HS1BP3: variants seen among roughly 807,000 people sequenced by gnomAD.
HS1BP3 encodes the protein HCLS1-binding protein 3.
HS1BP3 carries 32 observed loss-of-function variants against 33.5 expected under a neutral mutation model. The observed-to-expected ratio is 0.95, with a 90% confidence interval of 0.72 to 1.28. The LOEUF (loss-of-function observed/expected upper bound fraction) is 1.28. Among genes scored for constraint, HS1BP3 ranks in the 50% most tolerant of loss-of-function variants. The pLI, the probability that HS1BP3 is intolerant of heterozygous loss-of-function variation, is 0.00. For synonymous variants in HS1BP3, 187 were observed against 209.2 expected, an observed-to-expected ratio of 0.89 and a Z score of 0.92; for missense variants, 486 against 502.3, an observed-to-expected ratio of 0.97 and a Z score of 0.31.
intron 2 of HS1BP3, among the ~76,000 whole-genome samples, chr2:20,608,372 C>G (rs954163830): frequency 2.6e-5 from 4 of 151,766 alleles, no homozygotes. Context: ...GTTGGGAGTT[C>G]GAGACCAGCC....
intron 4 of HS1BP3, among the ~76,000 whole-genome samples, chr2:20,631,646 C>T (rs922844037): frequency 1.3e-5 from 2 of 151,754 alleles, no homozygotes; most frequent in African/African-American, 4.8e-5. Flanking sequence ...AGCCAGAGCC[C>T]ACTCTCCTGG....
chr2:20,577,271 AG>A (rs931741725), intron 5 of HS1BP3, among the ~76,000 whole-genome samples: 1 of 151,956 alleles, frequency 6.6e-6, no homozygotes, highest in Non-Finnish European at 1.5e-5. Flanking sequence ...AGGGTGGGAA[AG>A]GGGGACCCTC....
At chr2:20,591,963 C>T (rs190586794), downstream of HS1BP3, among the ~76,000 whole-genome samples, 229 of 152,270 alleles carry the variant, frequency 1.5e-3, no homozygotes, top group African/African-American at 4.2e-3. Flanking sequence ...CCTAGGGGGA[C>T]GGTTCAACAT....
intron 5 of HS1BP3, among the ~76,000 whole-genome samples, chr2:20,573,089 C>T (rs1693314130): frequency 6.6e-6 from 1 of 152,184 alleles, no homozygotes; most frequent in Non-Finnish European, 1.5e-5. Context: ...GGTGTCCACC[C>T]AAAAGATATG....
chr2:20,649,635 T>C (rs546743176), intron 1 of HS1BP3, among the ~76,000 whole-genome samples: 1 of 152,256 alleles, frequency 6.6e-6, no homozygotes, highest in African/African-American at 2.4e-5. Flanking sequence ...CAAGCTTGAG[T>C]GCATGTGGCA....
At position 20,599,061 on chromosome 2, in the gene HS1BP3, C is replaced by T. The variant is rs552141623; in HGVS notation, c.179-796G>A. ...GAAACCAGAGACAAGCGCAGGAGCCCACAACCTCAGCACCGCCCCTGGGGG... is the reference window on the plus strand; with the variant it reads ...GAAACCAGAGACAAGCGCAGGAGCCTACAACCTCAGCACCGCCCCTGGGGG... On this transcript the variant is annotated intron_variant, in intron 2 of 3. Transcript: ENST00000415264. 3.2e-4 allele frequency among the ~76,000 whole-genome samples: 49 copies of T among 152,302 alleles called. No homozygotes were observed. The South Asian group carries it at 0.01, about 32-fold the overall frequency.
chr2:20,622,619 T>C (rs139382147), intron 6 of HS1BP3: 58 of 289,506 alleles, frequency 2.0e-4, no homozygotes, highest in African/African-American at 1.2e-3. Context: ...AGAACACAGG[T>C]TGGGAAGTAA....
At chr2:20,607,764 T>G (rs1694229828) in intron 2 of HS1BP3, among the ~76,000 whole-genome samples, 1 of 152,258 alleles carries the variant, frequency 6.6e-6, no homozygotes, top group Non-Finnish European at 1.5e-5. Context: ...AATTTTAGGA[T>G]TAGCTTTTCC....
Position 20,619,099 on chromosome 2 carries a change from A to C in HS1BP3, c.1067T>G (p.Val356Gly). The part of the protein sequence containing the change: ...VPPKAGPAEA[V>G]AGQQKPQEQI... ...CTCCTGCGGCTTCTGCTGCCCAGCCACAGCTTCAGCCGGGCCCGCTTTGGG... is the reference window on the plus strand; with the variant it reads ...CTCCTGCGGCTTCTGCTGCCCAGCCCCAGCTTCAGCCGGGCCCGCTTTGGG... The change falls in exon 7 of 7, where the codon GTG becomes GGG. Residue 356 changes from valine to glycine, a missense_variant. By Grantham distance (109) the Val-to-Gly change is moderately radical. Transcript: ENST00000304031. 6.2e-7 allele frequency: 1 copy of C among 1,614,078 alleles called. No individual in the cohort carries two copies. The highest frequency in any genetic ancestry group is 1.3e-5 in the African/African-American group (1 of 75,024).
intron 5 of HS1BP3, among the ~76,000 whole-genome samples, chr2:20,584,478 C>A (rs757217298): frequency 3.3e-5 from 5 of 152,232 alleles, no homozygotes; most frequent in Non-Finnish European, 5.9e-5. Context: ...ACCACTTCTG[C>A]CCCTGCACCA....
chr2:20,572,828 C>G (rs1416198914), intron 5 of HS1BP3, among the ~76,000 whole-genome samples: 1 of 152,098 alleles, frequency 6.6e-6, no homozygotes, highest in Admixed American at 6.6e-5. Flanking sequence ...CACAGGTGGC[C>G]CCTGCTCCAG....
chr2:20,593,092 C>T (rs906119483), intron 3 of HS1BP3, among the ~76,000 whole-genome samples: 2 of 151,904 alleles, frequency 1.3e-5, no homozygotes, highest in Non-Finnish European at 2.9e-5. Flanking sequence ...TGTCCCCCCA[C>T]TGTCCCCCCA....
Position 20,638,485 on chromosome 2 carries a change from C to T in HS1BP3, c.574G>A (p.Glu192Lys). Residue 192 changes from glutamate to lysine, a missense_variant, in exon 4 of 7, where the codon GAG becomes AAG. Coordinates refer to ENST00000304031, the MANE Select transcript of HS1BP3 (RefSeq NM_022460.4). The part of the protein sequence containing the change: ...PVQSLKGEDA[E>K]ESLEEEEALD... ...GCCTCCTCCTCCTCCAAGGATTCCT[C>T]AGCATCCTCGCCCTTCAGGCTCTGG... 1 of 1,614,274 alleles carries T rather than the reference C, an allele frequency of 6.2e-7. No homozygotes were observed. Among genetic ancestry groups the T allele is most frequent in the Non-Finnish European group, 8.5e-7 (1 of 1,180,046 alleles).
chr2:20,562,150 G>A (rs1050534514), intron 5 of HS1BP3, among the ~76,000 whole-genome samples: 7 of 152,096 alleles, frequency 4.6e-5, no homozygotes, highest in Admixed American at 4.6e-4. Context: ...TTTCAACTCC[G>A]ACTGTTCATT....
At chr2:20,642,228 G>T (rs1205431148) in intron 2 of HS1BP3, among the ~76,000 whole-genome samples, 1 of 152,222 alleles carries the variant, frequency 6.6e-6, no homozygotes, top group African/African-American at 2.4e-5. Context: ...GGCGTGCAGG[G>T]GCTGCGGGCA....
intron 5 of HS1BP3, among the ~76,000 whole-genome samples, chr2:20,568,330 G>A (rs191118714): frequency 3.3e-5 from 5 of 152,254 alleles, no homozygotes; most frequent in Non-Finnish European, 5.9e-5. Context: ...AGCAGCAAGT[G>A]CAGAAACCCC....
At chr2:20,596,153 G>T (rs374312729) in intron 3 of HS1BP3, among the ~76,000 whole-genome samples, 1 of 152,060 alleles carries the variant, frequency 6.6e-6, no homozygotes, top group Non-Finnish European at 1.5e-5. Context: ...CTCCTTCCCC[G>T]TGACACTGCT....
At chr2:20,599,985 G>A (rs1313539287) in intron 2 of HS1BP3, among the ~76,000 whole-genome samples, 2 of 152,232 alleles carry the variant, frequency 1.3e-5, no homozygotes, top group South Asian at 2.1e-4. Flanking sequence ...TTCCAGATGC[G>A]AGCCCTCAGG....
chr2:20,558,772 A>G (rs993965146), downstream of HS1BP3, among the ~76,000 whole-genome samples: 5 of 152,100 alleles, frequency 3.3e-5, no homozygotes, highest in African/African-American at 1.2e-4. Context: ...GGCCCCAGAG[A>G]CAGACTCAGC....
Sources: allele counts gnomAD v4.1 joint callset (sites outside exome capture counted in the v4.1 genomes callset), GRCh38; gene constraint gnomAD v4.1.1; transcripts MANE v1.5; gene names NCBI Gene and HGNC (gene_info 2026-07-23, HGNC 2026-07-21).